The following HNF4G variants were observed in gnomAD, a reference collection of about 807,000 sequenced individuals.
HNF4G encodes hepatocyte nuclear factor 4 gamma, also known as hepatocyte nuclear factor 4-gamma.
A neutral mutation model predicts 50.9 loss-of-function variants in HNF4G; 21 were observed. The ratio of observed to expected loss-of-function variants is 0.41; its 90% confidence interval spans 0.29 to 0.59. The LOEUF (loss-of-function observed/expected upper bound fraction) is 0.59, where lower values mean the gene tolerates loss of function less well. Among genes scored for constraint, HNF4G ranks in the 20% least tolerant of loss-of-function variants. The pLI, the probability that HNF4G is intolerant of heterozygous loss-of-function variation, is 0.26. For missense variants in HNF4G, 527 were observed against 559.4 expected (o/e 0.94, Z 0.58); for synonymous variants, 198 against 185.6 (o/e 1.07, Z -0.54).
At chr8:75,563,493 A>G (rs1807375863) in intron 9 of HNF4G, among the ~76,000 whole-genome samples, 1 of 151,474 alleles carries the variant, frequency 6.6e-6, no homozygotes, top group Non-Finnish European at 1.5e-5. Context: ...CAGAACATTT[A>G]TAAAGTATCT....
At chr8:75,437,671 C>T (rs1811170715) in intron 1 of HNF4G, among the ~76,000 whole-genome samples, 1 of 151,570 alleles carries the variant, frequency 6.6e-6, no homozygotes, top group South Asian at 2.1e-4. Context: ...GAGACTCCGT[C>T]TCAAAAAAAT....
chr8:75,559,058 C>A (rs1807222396), intron 8 of HNF4G, 21 bp downstream of exon 8: 1 of 1,347,408 alleles, frequency 7.4e-7, no homozygotes, highest in East Asian at 2.3e-5. Context: ...TGAATAATTT[C>A]TACTTTATTG....
At chr8:75,423,970 T>G (rs1021527448) in intron 1 of HNF4G, among the ~76,000 whole-genome samples, 2 of 151,498 alleles carry the variant, frequency 1.3e-5, no homozygotes, top group Admixed American at 6.6e-5. Flanking sequence ...ACTACAAGTA[T>G]GCATCACCAC....
chr8:75,480,717 C>CTTTTTTTTTTTTTTTTTTTT lies in HNF4G; in HGVS notation c.-143-9369_-143-9368insTTTTTTTTTTTTTTTTTTTT, dbSNP rs748221253. Among the ~76,000 whole-genome samples, 4 of 123,946 alleles carry CTTTTTTTTTTTTTTTTTTTT rather than the reference C, an allele frequency of 3.2e-5. 1 individual carries two copies. Among genetic ancestry groups the CTTTTTTTTTTTTTTTTTTTT allele is most frequent in the Non-Finnish European group, 3.3e-5 (2 of 61,402 alleles). The allele number at this position is 123,946 out of a possible 152,430, so 81.3% of individuals were successfully genotyped here. On this transcript the variant is annotated intron_variant, in intron 1 of 10. Coordinates refer to the HNF4G transcript ENST00000354370. ...CTGGATCTCATTTCTTTTTCTTTTTCTTTCTTTTTTTTTTTTTTTGAGACA... is the reference window on the plus strand; with the variant it reads ...CTGGATCTCATTTCTTTTTCTTTTTCTTTTTTTTTTTTTTTTTTTTTTTCTTTTTTTTTTTTTTTGAGACA...
chr8:75,510,345 A>G (rs1215121203), intron 2 of HNF4G, among the ~76,000 whole-genome samples: 1 of 152,200 alleles, frequency 6.6e-6, no homozygotes, highest in African/African-American at 2.4e-5. Flanking sequence ...TAGTAAGTTA[A>G]GGTTAATTTA....
intron 1 of HNF4G, among the ~76,000 whole-genome samples, chr8:75,448,283 T>G (rs1345514805): frequency 2.5e-5 from 2 of 79,792 alleles, no homozygotes; most frequent in South Asian, 4.8e-4. Flanking sequence ...GGGACTGTGG[T>G]GGGGTGGGGG....
intron 1 of HNF4G, among the ~76,000 whole-genome samples, chr8:75,445,810 T>A (rs2130561450): frequency 7.0e-6 from 1 of 142,440 alleles, no homozygotes; most frequent in East Asian, 2.1e-4. Flanking sequence ...CAAAAAAGAG[T>A]TCAGGACCAG....
At chr8:75,524,485 C>T (rs540469775) in intron 2 of HNF4G, among the ~76,000 whole-genome samples, 6 of 152,046 alleles carry the variant, frequency 3.9e-5, no homozygotes, top group South Asian at 4.1e-4. Flanking sequence ...TGCATAGTTT[C>T]GAAAACCTAC....
intron 1 of HNF4G, among the ~76,000 whole-genome samples, chr8:75,485,410 C>A (rs1163195800): frequency 6.6e-6 from 1 of 151,984 alleles, no homozygotes. Context: ...CAATTTAACC[C>A]AAAATCAATG....
intron 1 of HNF4G, among the ~76,000 whole-genome samples, chr8:75,460,802 T>C (rs909730972): frequency 3.9e-5 from 6 of 151,918 alleles, no homozygotes; most frequent in Admixed American, 6.6e-5. Context: ...ATTGGAAGAG[T>C]TTTCCCCCTT....
chr8:75,420,293 G>A (rs771595969), intron 1 of HNF4G, among the ~76,000 whole-genome samples: 3 of 152,134 alleles, frequency 2.0e-5, no homozygotes, highest in Non-Finnish European at 4.4e-5. Context: ...TGCTTTCTCC[G>A]TAACCACATT....
In HNF4G at chr8:75,472,536, G is replaced by A. The variant is rs148972457; in HGVS notation, c.-143-17553G>A. On this transcript the variant is annotated intron_variant, in intron 1 of 10. Coordinates refer to the HNF4G transcript ENST00000354370. ...GGTGAGCTAAGACTAGAACTCAGTC[G>A]TTCTTTGCCTTACCCTATTCCCTTA... 3.3e-4 allele frequency among the ~76,000 whole-genome samples: 51 copies of A among 152,292 alleles called. No homozygotes were observed. In the East Asian group the frequency reaches 9.5e-3, roughly 28 times the overall value.
At chr8:75,486,109 G>A (rs1248895910) in intron 1 of HNF4G, among the ~76,000 whole-genome samples, 2 of 152,140 alleles carry the variant, frequency 1.3e-5, no homozygotes, top group African/African-American at 4.8e-5. Flanking sequence ...ACAGATGAAT[G>A]AATGACTGAA....
At chr8:75,465,950 T>A (rs1021842955) in intron 1 of HNF4G, among the ~76,000 whole-genome samples, 9 of 152,168 alleles carry the variant, frequency 5.9e-5, no homozygotes, top group African/African-American at 2.2e-4. Flanking sequence ...AGTCACAGGT[T>A]ATGTGTGTGT....
At chr8:75,496,140 A>G (rs1397592717) in intron 2 of HNF4G, among the ~76,000 whole-genome samples, 1 of 152,180 alleles carries the variant, frequency 6.6e-6, no homozygotes, top group African/African-American at 2.4e-5. Context: ...TCCAATTTTA[A>G]TATAAGTAAT....
At chr8:75,467,127 G>T (rs1812007633) in intron 1 of HNF4G, among the ~76,000 whole-genome samples, 1 of 151,966 alleles carries the variant, frequency 6.6e-6, no homozygotes, top group Non-Finnish European at 1.5e-5. Context: ...TTGTTTTCTT[G>T]ATGTAAGATG....
chr8:75,515,495 T>C (rs1805864973), intron 2 of HNF4G, among the ~76,000 whole-genome samples: 2 of 152,162 alleles, frequency 1.3e-5, no homozygotes, highest in South Asian at 4.1e-4. Flanking sequence ...GCTATTCACA[T>C]CCACAAACTG....
At chr8:75,551,070 T>C (rs1806936806) in intron 3 of HNF4G, among the ~76,000 whole-genome samples, 1 of 152,140 alleles carries the variant, frequency 6.6e-6, no homozygotes, top group South Asian at 2.1e-4. Flanking sequence ...TTCCTCTAGT[T>C]ATCTTATAGT....
At chr8:75,480,858 C>T (rs1250323397) in intron 1 of HNF4G, among the ~76,000 whole-genome samples, 1 of 151,898 alleles carries the variant, frequency 6.6e-6, no homozygotes, top group East Asian at 1.9e-4. Flanking sequence ...CTACATGCGT[C>T]AGCCACCACA....
Sources: allele counts gnomAD v4.1 joint callset (sites outside exome capture counted in the v4.1 genomes callset), GRCh38; gene constraint gnomAD v4.1.1; transcripts MANE v1.5; gene names NCBI Gene and HGNC (gene_info 2026-07-23, HGNC 2026-07-21).